Variants in BAHCC1 observed in about 807,000 individuals in gnomAD.
The protein encoded by BAHCC1 is BAH domain and coiled-coil containing 1.
BAHCC1 carries 43 observed loss-of-function variants against 88.2 expected under a neutral mutation model. The observed-to-expected ratio is 0.49, with a 90% CI of 0.38 to 0.63. The LOEUF (loss-of-function observed/expected upper bound fraction) is 0.63, where lower values mean the gene tolerates loss of function less well. Ranked by LOEUF, BAHCC1 falls within the 20% of genes least tolerant of loss-of-function variation. BAHCC1 has a pLI of 0.00. For missense variants in BAHCC1, 3,023 were observed against 1,654.8 expected, an observed-to-expected ratio of 1.83 and a Z score of -14.34; for synonymous variants, 1,510 against 745.5, an observed-to-expected ratio of 2.03 and a Z score of -16.71.
chr17:81,426,343 C>A (rs878991598), intron 2 of BAHCC1, among the ~76,000 whole-genome samples: 55 of 5,914 alleles, frequency 9.3e-3, no homozygotes, highest in African/African-American at 0.025. Context: ...TGGTGATAGT[C>A]GTGGGTGATG....
rs782011953 is a variant in BAHCC1, at chr17:81,461,101, A to G, written c.6438A>G (p.Thr2146=). The G allele has an allele frequency of 1.3e-6, 1 of 767,624 alleles. No individual in the cohort carries two copies. The highest frequency in any genetic ancestry group is 1.3e-5 in the South Asian group (1 of 74,292). The allele number at this position is 767,624 out of a possible 1,614,324, so 47.6% of individuals were successfully genotyped here. A position where few individuals can be genotyped will look rare whatever the true frequency, so the allele number is the denominator to read the frequency against. The change falls in exon 26 of 28, where the codon ACA becomes ACG. Residue 2146 remains threonine (T), a synonymous_variant. Coordinates refer to ENST00000675386, the MANE Select transcript of BAHCC1 (RefSeq NM_001377448.1). ...TGTTCCCCGTGCACAGCGTGGCCAC[A>G]CCCATATTTGGCAACGGCTTCCGCG... The part of the protein sequence containing the change: ...EALFPVHSVA[T]PIFGNGFRAD...
Position 81,399,475 on chromosome 17 carries a change from A to G in BAHCC1, c.-206-59A>G, listed in dbSNP as rs1484658609. ...GAGTGGGTGAGCGGGCGGGGCGGGG[A>G]CCCCCGGGCGAGCCGAGCCCCCCAG... On this transcript the variant is annotated intron_variant, in intron 1 of 27. Coordinates refer to ENST00000675386, the MANE Select transcript of BAHCC1 (RefSeq NM_001377448.1). The surrounding 1 kb of genome is among the most constrained non-coding windows in gnomAD (Gnocchi z 4.5). The G allele has an allele frequency of 5.5e-6, 1 of 181,948 alleles. No individual in the cohort carries two copies. The highest frequency in any genetic ancestry group is 6.0e-5 in the South Asian group (1 of 16,606). 11.3% of individuals were successfully genotyped at this position (181,948 alleles called of 1,614,324 possible).
Position 81,451,779 on chromosome 17 carries a change from C to G in BAHCC1, c.4088C>G (p.Pro1363Arg), listed in dbSNP as rs782350528. 1 of 767,410 alleles carries G rather than the reference C, an allele frequency of 1.3e-6. No individual in the cohort carries two copies. Among genetic ancestry groups the G allele is most frequent in the Non-Finnish European group, 2.4e-6 (1 of 416,436 alleles). The allele number at this position is 767,410 out of a possible 1,614,324, so 47.5% of individuals were successfully genotyped here. Reference protein sequence around the residue: ...GLDSSTAPAQPPTANPCSGPR... With the variant: ...GLDSSTAPAQRPTANPCSGPR... Reference sequence around the variant, plus strand: ...GACAGCTCCACTGCCCCAGCGCAGCCGCCCACAGCCAACCCCTGCAGCGGC... The same window carrying G: ...GACAGCTCCACTGCCCCAGCGCAGCGGCCCACAGCCAACCCCTGCAGCGGC... The change falls in exon 12 of 28, where the codon CCG becomes CGG. Residue 1363 changes from proline (P) to arginine (R), a missense_variant. Pro to Arg is a moderately radical substitution (Grantham distance 103). Transcript: ENST00000675386.
rs782768522 is a variant in BAHCC1 at position 81,445,193 on chromosome 17, C to G, written c.2835+15C>G. 3 of 758,754 alleles carry G rather than the reference C, an allele frequency of 4.0e-6. No individual in the cohort carries two copies. The South Asian group carries it at 4.2e-5, about 11-fold the overall frequency. 47.0% of individuals were successfully genotyped at this position (758,754 alleles called of 1,614,324 possible). ...CCCAGTTCCAGGTACCGCCCCTAGC[C>G]ACGCTCACCTGGGCCGGGCACTTCT... is the stretch of plus-strand genomic sequence containing the variant. On this transcript the variant is annotated intron_variant, in intron 9 of 27. Transcript: ENST00000675386.
At chr17:81,437,360 G>A (rs1433896028) in intron 3 of BAHCC1, among the ~76,000 whole-genome samples, 1 of 152,038 alleles carries the variant, frequency 6.6e-6, no homozygotes, top group African/African-American at 2.4e-5. Context: ...GGGCTGGGCG[G>A]GTCTGAGTCT....
chr17:81,458,923 G>A lies in BAHCC1; in HGVS notation c.5559G>A (p.Glu1853=). The stretch of plus-strand genomic sequence containing the variant: ...AAGAGGAGGAGGACGAGGAGGAAGA[G>A]GAGGAGGACAGCGGCCCTCTGAGCG... ...FSEEEEDEEE[E]EEDSGPLSAE... Residue 1853 remains glutamate, a synonymous_variant, in exon 20 of 28, where the codon GAG becomes GAA. Coordinates refer to ENST00000675386, the MANE Select transcript of BAHCC1 (RefSeq NM_001377448.1). 3.9e-6 allele frequency: 3 copies of A among 768,648 alleles called. No individual in the cohort carries two copies. Among genetic ancestry groups the A allele is most frequent in the Non-Finnish European group, 4.9e-6 (2 of 411,116 alleles). The allele number at this position is 768,648 out of a possible 1,614,324, so 47.6% of individuals were successfully genotyped here. A position where few individuals can be genotyped will look rare whatever the true frequency, so the allele number is the denominator to read the frequency against.
At chr17:81,436,861 G>A (rs1049765843) in intron 3 of BAHCC1, among the ~76,000 whole-genome samples, 4 of 152,216 alleles carry the variant, frequency 2.6e-5, no homozygotes, top group Non-Finnish European at 2.9e-5. Context: ...GCAGGCCTCC[G>A]TGTCGCAGGA....
chr17:81,427,208 T>G (rs2064210578), intron 3 of BAHCC1, among the ~76,000 whole-genome samples: 1 of 152,058 alleles, frequency 6.6e-6, no homozygotes, highest in Admixed American at 6.5e-5. Context: ...TGGCCAGATG[T>G]GTGCTCCAGA....
chr17:81,457,427 G>T lies in BAHCC1; in HGVS notation c.4876G>T (p.Glu1626Ter). Residue 1626 changes from glutamate (E) to a stop codon, truncating the protein, a stop_gained, in exon 17 of 28, where the codon GAG becomes TAG. Coordinates refer to ENST00000675386, the MANE Select transcript of BAHCC1 (RefSeq NM_001377448.1). LOFTEE classifies it high-confidence loss of function. ...TCTCCCAGGCAGTGGCTATGACAGT[G>T]AGGACTGCGAGGGTCTCCTGGGGAC... ...SQEAGSGYDS[E>*]DCEGLLGTEA... 1.3e-6 allele frequency: 1 copy of T among 771,276 alleles called. No individual in the cohort carries two copies. 47.8% of individuals were successfully genotyped at this position (771,276 alleles called of 1,614,324 possible). A position where few individuals can be genotyped will look rare whatever the true frequency, so the allele number is the denominator to read the frequency against.
At chr17:81,405,334 A>G (rs1232345706) in intron 2 of BAHCC1, among the ~76,000 whole-genome samples, 3 of 152,112 alleles carry the variant, frequency 2.0e-5, no homozygotes, top group African/African-American at 2.4e-5. Context: ...CCAAAGTGCT[A>G]GGATTACAGG....
At chr17:81,446,783 C>G (rs548130739) in intron 10 of BAHCC1, 15 of 661,914 alleles carry the variant, frequency 2.3e-5, no homozygotes, top group South Asian at 2.1e-4. Flanking sequence ...GAATTCCTGG[C>G]CTCAAATGAT....
At position 81,447,821 on chromosome 17, in the gene BAHCC1, C is replaced by A; in HGVS notation, c.3949C>A (p.Arg1317=). The A allele has an allele frequency of 1.3e-6, 1 of 746,752 alleles. No individual in the cohort carries two copies. Among genetic ancestry groups the A allele is most frequent in the Non-Finnish European group, 2.5e-6 (1 of 401,498 alleles). 46.3% of individuals were successfully genotyped at this position (746,752 alleles called of 1,614,324 possible). A position where few individuals can be genotyped will look rare whatever the true frequency, so the allele number is the denominator to read the frequency against. ...LSELADLAIQ[R]QRSERTVPEE... ...CGAGCTGGCTGACCTGGCAATCCAG[C>A]GGCAGAGGAGTGAGAGGACTGTGCC... Residue 1317 remains arginine (R), a synonymous_variant, in exon 11 of 28, where the codon CGG becomes AGG. Transcript: ENST00000675386.
At chr17:81,410,153 G>A (rs528665437) in intron 2 of BAHCC1, 42 of 256,726 alleles carry the variant, frequency 1.6e-4, no homozygotes, top group South Asian at 8.9e-4. Context: ...GTGGCCGTCC[G>A]TGTCACCTGT....
intron 26 of BAHCC1, chr17:81,462,536 C>T (rs974424331): frequency 3.5e-6 from 2 of 575,032 alleles, no homozygotes; most frequent in South Asian, 2.2e-5. Context: ...GTGCGGGCTC[C>T]GTGGAGGCGT....
At chr17:81,423,233 C>T (rs556004887) in intron 2 of BAHCC1, among the ~76,000 whole-genome samples, 72 of 152,328 alleles carry the variant, frequency 4.7e-4, no homozygotes, top group Non-Finnish European at 7.3e-4. Context: ...TGGGAGAGGC[C>T]CCTTGAGTCC....
In BAHCC1 at chr17:81,399,147, G is replaced by GTGTGTA. The variant is rs2063778197; in HGVS notation, c.-206-382_-206-381insATGTGT. 1 of 381,670 alleles carries GTGTGTA rather than the reference G, an allele frequency of 2.6e-6. No homozygotes were observed. The highest frequency in any genetic ancestry group is 1.7e-5 in the South Asian group (1 of 57,864). The allele number at this position is 381,670 out of a possible 1,614,324, so 23.6% of individuals were successfully genotyped here. ...CGTGTGAGTGTGTGTGTGTGTGTGT[G>GTGTGTA]TGTGTGCGAGTGTGCGTGATGGCTT... On this transcript the variant is annotated intron_variant, in intron 1 of 27. Coordinates refer to ENST00000675386, the MANE Select transcript of BAHCC1 (RefSeq NM_001377448.1). The surrounding 1 kb of genome is among the most constrained non-coding windows in gnomAD (Gnocchi z 4.5).
In BAHCC1 at chr17:81,455,359, G is replaced by T. The variant is rs782027842; in HGVS notation, c.4538G>T (p.Ser1513Ile). The change falls in exon 15 of 28, where the codon AGC becomes ATC. Residue 1513 changes from serine (S) to isoleucine (I), a missense_variant. Physicochemically the swap from Ser to Ile is moderately radical, Grantham distance 142. Transcript: ENST00000675386. ...PAKKRSKLER[S>I]VYAGLQTASV... ...AAGAAGCGAAGCAAGCTGGAGAGGA[G>T]CGTCTATGCGGGCCTGCAGACTGCC... 3 of 716,626 alleles carry T rather than the reference G, an allele frequency of 4.2e-6. No homozygotes were observed. The highest frequency in any genetic ancestry group is 3.5e-5 in the African/African-American group (2 of 57,274). 44.4% of individuals were successfully genotyped at this position (716,626 alleles called of 1,614,324 possible). A position where few individuals can be genotyped will look rare whatever the true frequency, so the allele number is the denominator to read the frequency against.
chr17:81,429,632 C>A (rs890166023), intron 3 of BAHCC1, among the ~76,000 whole-genome samples: 5 of 152,114 alleles, frequency 3.3e-5, no homozygotes, highest in Admixed American at 6.5e-5. Flanking sequence ...GCACGCGACT[C>A]GGCCGGAGAG....
chr17:81,401,317 C>T (rs1191666604), intron 2 of BAHCC1: 1 of 152,708 alleles, frequency 6.5e-6, no homozygotes, highest in Non-Finnish European at 1.5e-5. Context: ...GGTTGGCCCA[C>T]ACCCGCTTCC....
Sources: gnomAD v4.1 joint callset for allele counts (sites outside exome capture counted in the v4.1 genomes callset) on GRCh38, gnomAD v4.1.1 for gene constraint, Gnocchi (gnomAD v3.1) non-coding constraint, MANE v1.5 for transcripts, NCBI Gene and HGNC (gene_info 2026-07-23, HGNC 2026-07-21) for gene names.